The following SSH2 variants were observed in gnomAD, a reference collection of about 807,000 sequenced individuals.
The protein encoded by SSH2 is slingshot protein phosphatase 2.
Under a neutral mutation model 135.2 loss-of-function variants are expected in SSH2, and 37 were observed. The ratio of observed to expected loss-of-function variants is 0.27; its 90% CI spans 0.21 to 0.36. The LOEUF (loss-of-function observed/expected upper bound fraction) is 0.36. SSH2 is among the 10% of genes least tolerant of loss of function. The pLI, the probability that SSH2 is intolerant of heterozygous loss-of-function variation, is 1.00. For synonymous variants in SSH2, 628 were observed against 646.2 expected (o/e 0.97, Z 0.43); for missense variants, 1,408 against 1,765.3 (o/e 0.80, Z 3.63).
At chr17:29,835,676 G>A (rs1236464557) in intron 2 of SSH2, among the ~76,000 whole-genome samples, 1 of 152,232 alleles carries the variant, frequency 6.6e-6, no homozygotes, top group Admixed American at 6.5e-5. Flanking sequence ...AGCTAGAGCA[G>A]ATTTTCAGCT....
intron 3 of SSH2, among the ~76,000 whole-genome samples, chr17:29,763,402 T>TA (rs1175060685): frequency 6.6e-6 from 1 of 151,526 alleles, no homozygotes; most frequent in Non-Finnish European, 1.5e-5. Flanking sequence ...AATCTGCTGA[T>TA]ACACCCCAAA....
intron 2 of SSH2, among the ~76,000 whole-genome samples, chr17:29,841,814 C>A (rs868820499): frequency 1.3e-5 from 2 of 151,926 alleles, no homozygotes; most frequent in South Asian, 4.2e-4. Context: ...ACAGCCTCAA[C>A]CTTCTGGGCT....
chr17:29,900,670 TG>T (rs1370316993), intron 1 of SSH2, among the ~76,000 whole-genome samples: 1 of 152,104 alleles, frequency 6.6e-6, no homozygotes, highest in African/African-American at 2.4e-5. Context: ...AACACTTTTA[TG>T]CTATTGGTTG....
rs769853732 is a variant in SSH2, at chr17:29,630,719, C to T, written c.*122G>A. ...GAAAAACACCCAAACCCTGCATGCA[C>T]CAGAAACAGTAAAATGACCAAAATA... On this transcript the variant is annotated 3_prime_UTR_variant, in exon 16 of 16. Transcript: ENST00000540801. The T allele has an allele frequency of 2.8e-6, 3 of 1,078,250 alleles. No homozygotes were observed. Among genetic ancestry groups the T allele is most frequent in the Admixed American group, 4.9e-5 (2 of 40,708 alleles). 66.8% of individuals were successfully genotyped at this position (1,078,250 alleles called of 1,614,324 possible). A position where few individuals can be genotyped will look rare whatever the true frequency, so the allele number is the denominator to read the frequency against.
At chr17:29,793,186 T>G (rs1030711292) in intron 3 of SSH2, among the ~76,000 whole-genome samples, 3 of 152,042 alleles carry the variant, frequency 2.0e-5, no homozygotes, top group Non-Finnish European at 1.5e-5. Flanking sequence ...TAAATGTTAT[T>G]TTATACTTCC....
chr17:29,716,343 G>A, intron 3 of SSH2: 1 of 463,088 alleles, frequency 2.2e-6, no homozygotes, highest in South Asian at 2.3e-5. Context: ...ACGTGCTTCA[G>A]GAAGCTGTCT....
At chr17:29,765,507 G>A (rs2041422139) in intron 3 of SSH2, among the ~76,000 whole-genome samples, 1 of 152,124 alleles carries the variant, frequency 6.6e-6, no homozygotes, top group Non-Finnish European at 1.5e-5. Context: ...TTTATTCACT[G>A]AGAAAATGAA....
At chr17:29,875,983 C>CAAAAAAAAAAAAAAAAAAAAAAAAAACA (rs547629204) in intron 1 of SSH2, among the ~76,000 whole-genome samples, 1 of 71,712 alleles carries the variant, frequency 1.4e-5, no homozygotes, top group Non-Finnish European at 3.2e-5. Flanking sequence ...AAGAGGACAC[C>CAAAAAAAAAAAAAAAAAAAAAAAAAACA]AAAAAAAAAA....
chr17:29,669,113 G>A (rs1275580484), intron 9 of SSH2, among the ~76,000 whole-genome samples: 1 of 152,086 alleles, frequency 6.6e-6, no homozygotes, highest in African/African-American at 2.4e-5. Context: ...GCCGGGCATG[G>A]TGGTGGGTGC....
chr17:29,753,660 G>T (rs1337701142), intron 3 of SSH2, among the ~76,000 whole-genome samples: 1 of 151,716 alleles, frequency 6.6e-6, no homozygotes, highest in Non-Finnish European at 1.5e-5. Context: ...GCTGGGCGTG[G>T]TGGCGGGCAC....
At chr17:29,675,026 CGTT>C (rs2037647686) in intron 8 of SSH2, among the ~76,000 whole-genome samples, 1 of 152,144 alleles carries the variant, frequency 6.6e-6, no homozygotes, top group African/African-American at 2.4e-5. Context: ...TGTCATTTAT[CGTT>C]GTTACTGCTG....
chr17:29,863,358 A>G (rs1273721012), intron 1 of SSH2: 1 of 152,248 alleles, frequency 6.6e-6, no homozygotes, highest in African/African-American at 2.4e-5. Context: ...AACAATGCCA[A>G]GTACCTGCCT....
At chr17:29,709,013 TATAGAGAGAGAG>T (rs2039330232) in intron 3 of SSH2, among the ~76,000 whole-genome samples, 1 of 88,174 alleles carries the variant, frequency 1.1e-5, no homozygotes, top group African/African-American at 3.6e-5. Context: ...TATATATATA[TATAGAGAGAGAG>T]AGAGAGAGAG....
chr17:29,845,775 CT>C (rs1444719675), intron 2 of SSH2, among the ~76,000 whole-genome samples: 2 of 152,060 alleles, frequency 1.3e-5, no homozygotes, highest in Non-Finnish European at 2.9e-5. Flanking sequence ...TCCCAGGCTG[CT>C]CTTGAACTCC....
At chr17:29,865,925 A>C (rs952105965) in intron 1 of SSH2, 7 of 152,098 alleles carry the variant, frequency 4.6e-5, no homozygotes, top group African/African-American at 1.7e-4. Flanking sequence ...ACATGGTGAA[A>C]CCCTGTCTCC....
At chr17:29,748,923 A>T (rs1018975190) in intron 3 of SSH2, among the ~76,000 whole-genome samples, 1 of 152,234 alleles carries the variant, frequency 6.6e-6, no homozygotes, top group African/African-American at 2.4e-5. Context: ...AAGCCTAGCA[A>T]TATGTTAAAT....
At position 29,930,136 on chromosome 17, in the gene SSH2, A is replaced by C; in HGVS notation, c.-136T>G. The stretch of plus-strand genomic sequence containing the variant: ...CGGGGAGGAGGAGGAGGCCGCGGGA[A>C]CGGCCGCAGACTCCGCACCCACCAC... On this transcript the variant is annotated 5_prime_UTR_variant, in exon 1 of 16. Coordinates refer to ENST00000540801, the MANE Select transcript of SSH2 (RefSeq NM_001282129.2). The C allele has an allele frequency of 1.3e-6, 1 of 771,230 alleles. No homozygotes were observed. The highest frequency in any genetic ancestry group is 2.1e-6 in the Non-Finnish European group (1 of 485,184). The allele number at this position is 771,230 out of a possible 1,614,324, so 47.8% of individuals were successfully genotyped here. A position where few individuals can be genotyped will look rare whatever the true frequency, so the allele number is the denominator to read the frequency against.
chr17:29,808,593 C>T (rs1442750642), intron 2 of SSH2, among the ~76,000 whole-genome samples: 1 of 152,248 alleles, frequency 6.6e-6, no homozygotes, highest in Admixed American at 6.5e-5. Flanking sequence ...TCATCTCAGG[C>T]ACATCCTAAC....
chr17:29,809,834 A>G (rs972088351), intron 2 of SSH2, among the ~76,000 whole-genome samples: 1 of 152,144 alleles, frequency 6.6e-6, no homozygotes, highest in African/African-American at 2.4e-5. Flanking sequence ...CTGGGATTAC[A>G]GGCATGAGCC....
Sources: allele counts gnomAD v4.1 joint callset (sites outside exome capture counted in the v4.1 genomes callset), GRCh38; gene constraint gnomAD v4.1.1; transcripts MANE v1.5; gene names NCBI Gene and HGNC (gene_info 2026-07-23, HGNC 2026-07-21).